The following NUTF2 variants were observed in gnomAD, a reference collection of about 807,000 sequenced individuals.
NUTF2 encodes placental protein 15.
In NUTF2, 3 loss-of-function variants were observed where a neutral mutation model predicts 18.5. The observed-to-expected ratio is 0.16, with a 90% confidence interval of 0.07 to 0.42. NUTF2 has a LOEUF of 0.42. NUTF2 is among the 10% of genes least tolerant of loss of function. The probability of loss-of-function intolerance (pLI) is 0.99; values close to 1 mark genes in which losing one functional copy is unlikely to be tolerated. For missense variants in NUTF2, 44 were observed against 160.7 expected, an observed-to-expected ratio of 0.27 and a Z score of 3.93; for synonymous variants, 51 against 57.9, an observed-to-expected ratio of 0.88 and a Z score of 0.54.
chr16:67,857,985 C>T (rs540976052), intron 1 of NUTF2, among the ~76,000 whole-genome samples: 4 of 152,330 alleles, frequency 2.6e-5, no homozygotes, highest in Non-Finnish European at 5.9e-5. Context: ...CACACTCATG[C>T]ACTTAGTCAA....
rs545507239 is a variant in NUTF2, at chr16:67,864,128, C to T, written c.-29-974C>T. ...GTCACTCCCATCAATGAAGAAATATCCTAGAAAGGGCCAGGTCAGGTAATC... is the reference window on the plus strand; with the variant it reads ...GTCACTCCCATCAATGAAGAAATATTCTAGAAAGGGCCAGGTCAGGTAATC... On this transcript the variant is annotated intron_variant, in intron 1 of 4. Transcript: ENST00000219169. 3.5e-4 allele frequency among the ~76,000 whole-genome samples: 54 copies of T among 152,310 alleles called. No individual in the cohort carries two copies. In the South Asian group the frequency reaches 5.8e-3, roughly 16 times the overall value.
intron 1 of NUTF2, 62 bp from the exon 2 acceptor site, chr16:67,865,030 GGTGGGGGTCA>G (rs1242123543): frequency 1.4e-6 from 1 of 718,196 alleles, no homozygotes; most frequent in African/African-American, 1.8e-5. Flanking sequence ...GCCAGTGAGG[GGTGGGGGTCA>G]GTGGCTGGTC....
intron 1 of NUTF2, among the ~76,000 whole-genome samples, chr16:67,860,003 G>A (rs1370988118): frequency 1.3e-5 from 2 of 148,726 alleles, no homozygotes; most frequent in African/African-American, 2.5e-5. Context: ...TTTTTGAGAT[G>A]GAGTCTGGCT....
At chr16:67,870,728 C>A in intron 4 of NUTF2, 72 bp from the exon 5 acceptor site, 1 of 1,279,264 alleles carries the variant, frequency 7.8e-7, no homozygotes. Flanking sequence ...TTTTTTTGCC[C>A]TCTTCTCCTA....
chr16:67,858,593 T>TA (rs1728379746), intron 1 of NUTF2, among the ~76,000 whole-genome samples: 1 of 152,116 alleles, frequency 6.6e-6, no homozygotes, highest in South Asian at 2.1e-4. Flanking sequence ...GAGCAGCAGT[T>TA]ACAAAGCCCT....
At chr16:67,854,662 C>A (rs1184234795) in intron 1 of NUTF2, among the ~76,000 whole-genome samples, 1 of 152,180 alleles carries the variant, frequency 6.6e-6, no homozygotes, top group Non-Finnish European at 1.5e-5. Flanking sequence ...GGCATGATTT[C>A]TTGGCCGGGC....
intron 1 of NUTF2, among the ~76,000 whole-genome samples, chr16:67,852,136 G>A (rs1267028408): frequency 6.6e-6 from 1 of 151,972 alleles, no homozygotes; most frequent in Non-Finnish European, 1.5e-5. Flanking sequence ...TGTCAACATA[G>A]CAATACCCAT....
At chr16:67,856,114 G>A (rs2057894954) in intron 1 of NUTF2, 1 of 472,730 alleles carries the variant, frequency 2.1e-6, no homozygotes, top group Non-Finnish European at 4.0e-6. Context: ...ACATGTTCTT[G>A]TAACACCTGA....
At chr16:67,857,807 C>T (rs1287150592) in intron 1 of NUTF2, among the ~76,000 whole-genome samples, 2 of 152,244 alleles carry the variant, frequency 1.3e-5, no homozygotes, top group South Asian at 2.1e-4. Flanking sequence ...CCAATTGCCA[C>T]ATGCCATAGA....
At chr16:67,865,078 C>T in intron 1 of NUTF2, 24 bp from the exon 2 acceptor site, 2 of 1,238,024 alleles carry the variant, frequency 1.6e-6, no homozygotes, top group Non-Finnish European at 2.4e-6. Flanking sequence ...CAATGCTTCC[C>T]TCCTGGTCTC....
chr16:67,859,098 G>A (rs2060380328), intron 1 of NUTF2, among the ~76,000 whole-genome samples: 1 of 151,810 alleles, frequency 6.6e-6, no homozygotes, highest in South Asian at 2.1e-4. Context: ...GACTCCCAAA[G>A]TGTCCGAGGG....
chr16:67,870,420 T>C (rs2058003258), intron 4 of NUTF2: 1 of 182,334 alleles, frequency 5.5e-6, no homozygotes, highest in African/African-American at 2.4e-5. Flanking sequence ...TTGTTTGCAG[T>C]TTTTTTGATA....
chr16:67,850,632 G>A (rs1036764459), intron 1 of NUTF2, among the ~76,000 whole-genome samples: 3 of 152,168 alleles, frequency 2.0e-5, no homozygotes, highest in Non-Finnish European at 4.4e-5. Flanking sequence ...AGTGGCCTGA[G>A]GTTCTCCAGG....
chr16:67,851,248 C>T (rs865895131), intron 1 of NUTF2, among the ~76,000 whole-genome samples: 12 of 150,874 alleles, frequency 8.0e-5, no homozygotes, highest in Middle Eastern at 3.4e-3. Context: ...TTTGGGAGGG[C>T]GAGGTGGGCG....
chr16:67,853,440 C>G (rs956869234), intron 1 of NUTF2, among the ~76,000 whole-genome samples: 2 of 152,198 alleles, frequency 1.3e-5, no homozygotes, highest in Non-Finnish European at 2.9e-5. Context: ...TCACAGCATC[C>G]TCCACCTTCT....
At chr16:67,858,368 A>T (rs1223190617) in intron 1 of NUTF2, among the ~76,000 whole-genome samples, 2 of 152,058 alleles carry the variant, frequency 1.3e-5, no homozygotes, top group African/African-American at 4.8e-5. Flanking sequence ...GGGTTTCACC[A>T]TGTTGGCCAG....
chr16:67,858,074 G>A (rs141408282), intron 1 of NUTF2, among the ~76,000 whole-genome samples: 3 of 152,224 alleles, frequency 2.0e-5, no homozygotes, highest in Non-Finnish European at 4.4e-5. Flanking sequence ...GAGATAGACC[G>A]TAAACAAATA....
At chr16:67,862,135 T>A (rs1435202110) in intron 1 of NUTF2, among the ~76,000 whole-genome samples, 3 of 151,948 alleles carry the variant, frequency 2.0e-5, no homozygotes, top group African/African-American at 7.3e-5. Context: ...AGCAAGGGTG[T>A]TTGTAGGGGA....
At chr16:67,864,117 T>A (rs2057952453) in intron 1 of NUTF2, among the ~76,000 whole-genome samples, 1 of 152,152 alleles carries the variant, frequency 6.6e-6, no homozygotes, top group Non-Finnish European at 1.5e-5. Flanking sequence ...CTCCCATCAA[T>A]GAAGAAATAT....
Sources: gnomAD v4.1 joint callset for allele counts (sites outside exome capture counted in the v4.1 genomes callset) on GRCh38, gnomAD v4.1.1 for gene constraint, MANE v1.5 for transcripts, NCBI Gene and HGNC (gene_info 2026-07-23, HGNC 2026-07-21) for gene names.